The following ANKRD30A variants were observed in gnomAD, a reference collection of about 807,000 sequenced individuals.
The protein encoded by ANKRD30A is ankyrin repeat domain 30A.
A neutral mutation model predicts 166.3 loss-of-function variants in ANKRD30A; 170 were observed. The observed-to-expected ratio is 1.02, with a 90% CI of 0.90 to 1.16. The LOEUF (loss-of-function observed/expected upper bound fraction) is 1.16, where lower values mean the gene tolerates loss of function less well. ANKRD30A is among the 50% of genes most tolerant of loss of function. The probability of loss-of-function intolerance (pLI) is 0.00; values close to 1 mark genes in which losing one functional copy is unlikely to be tolerated. For synonymous variants in ANKRD30A, 564 were observed against 508.9 expected (o/e 1.11, Z -1.46); for missense variants, 1,630 against 1,518.0 (o/e 1.07, Z -1.23).
At chr10:37,201,455 A>G (rs1241722789) in intron 31 of ANKRD30A, 130 bp downstream of exon 31, 5 of 618,804 alleles carry the variant, frequency 8.1e-6, no homozygotes, top group Non-Finnish European at 1.3e-5. Flanking sequence ...GAGAAGTGCA[A>G]TGGTCATAAG....
intron 5 of ANKRD30A, among the ~76,000 whole-genome samples, chr10:37,136,353 A>G (rs534636239): frequency 3.7e-4 from 57 of 152,304 alleles, no homozygotes; most frequent in African/African-American, 1.3e-3. Context: ...CCATTAAGCC[A>G]AGCTAACTCT....
In ANKRD30A at chr10:37,165,152, T is replaced by A; in HGVS notation, c.2061T>A (p.Thr687=). ...QKDYEENSWD[T]ESLCETVSQK... is the part of the protein sequence containing the mutation. ...ACTATGAAGAAAATTCTTGGGATAC[T>A]GAGGTACTGTGTGTTGTTGATTTTT... The change falls in exon 18 of 36, where the codon ACT becomes ACA. Residue 687 remains threonine, a synonymous_variant. Transcript: ENST00000361713. 6.2e-7 allele frequency: 1 copy of A among 1,606,338 alleles called. No homozygotes were observed. The highest frequency in any genetic ancestry group is 1.1e-5 in the South Asian group (1 of 90,928).
chr10:37,257,952 C>G, the ANKRD30A span, among the ~76,000 whole-genome samples: 1 of 152,078 alleles, frequency 6.6e-6, no homozygotes, highest in Non-Finnish European at 1.5e-5. Context: ...ACATCACACT[C>G]TGTGGCTTGT....
At chr10:37,251,429 G>C in the ANKRD30A span, among the ~76,000 whole-genome samples, 4 of 152,108 alleles carry the variant, frequency 2.6e-5, no homozygotes, top group Non-Finnish European at 4.4e-5. Context: ...AAAGCCAAAG[G>C]ACCCTTGTCT....
At chr10:37,194,090 G>A (rs1387426611) in intron 27 of ANKRD30A, among the ~76,000 whole-genome samples, 1 of 151,500 alleles carries the variant, frequency 6.6e-6, no homozygotes, top group Non-Finnish European at 1.5e-5. Flanking sequence ...CAGCTACTCT[G>A]GAGGCTGAGG....
chr10:37,201,914 T>C (rs1841649545), intron 31 of ANKRD30A, among the ~76,000 whole-genome samples: 1 of 152,080 alleles, frequency 6.6e-6, no homozygotes, highest in African/African-American at 2.4e-5. Flanking sequence ...ATATAATTTG[T>C]CATATACACT....
chr10:37,235,652 T>C (rs571376828), downstream of ANKRD30A, among the ~76,000 whole-genome samples: 49 of 152,202 alleles, frequency 3.2e-4, no homozygotes, highest in African/African-American at 1.2e-3. Flanking sequence ...ACTTATAATA[T>C]CAAGTATAAT....
the ANKRD30A span, chr10:37,261,964 C>T: frequency 6.5e-6 from 1 of 153,164 alleles, no homozygotes; most frequent in South Asian, 2.1e-4. Flanking sequence ...TCTTAAGCAG[C>T]TCATGTGTGG....
At chr10:37,218,370 T>G (rs1213377720) in intron 33 of ANKRD30A, among the ~76,000 whole-genome samples, 1 of 150,952 alleles carries the variant, frequency 6.6e-6, no homozygotes, top group Non-Finnish European at 1.5e-5. Flanking sequence ...GGATGTAGAC[T>G]CAGAAGACTG....
intron 3 of ANKRD30A, among the ~76,000 whole-genome samples, chr10:37,131,552 G>A (rs1471087163): frequency 6.6e-6 from 1 of 152,142 alleles, no homozygotes; most frequent in Non-Finnish European, 1.5e-5. Context: ...ATGTAGAACA[G>A]GAGTGCCTGA....
At chr10:37,164,290 A>G (rs1254710686) in intron 17 of ANKRD30A, among the ~76,000 whole-genome samples, 1 of 145,696 alleles carries the variant, frequency 6.9e-6, no homozygotes, top group Non-Finnish European at 1.5e-5. Flanking sequence ...TATTTTTGGT[A>G]TAAATTCTTT....
At chr10:37,247,542 G>A in the ANKRD30A span, among the ~76,000 whole-genome samples, 1 of 151,924 alleles carries the variant, frequency 6.6e-6, no homozygotes, top group Non-Finnish European at 1.5e-5. Flanking sequence ...ACTGGGCTTT[G>A]CAGAGGGCAG....
chr10:37,136,813 ATGTGTG>A lies in ANKRD30A; in HGVS notation c.820+156_820+161del, dbSNP rs1554807834. 2.2e-5 allele frequency: 6 copies of A among 272,184 alleles called. No homozygotes were observed. The South Asian group carries it at 2.8e-4, about 13-fold the overall frequency. 16.9% of individuals were successfully genotyped at this position (272,184 alleles called of 1,614,324 possible). ...CATATATGTGGGTGTGGGTGTGTGT[ATGTGTG>A]TGTGTGTGTGTGTATATATATATAT... On this transcript the variant is annotated intron_variant, in intron 6 of 35. Coordinates refer to ENST00000361713, the MANE Select transcript of ANKRD30A (RefSeq NM_052997.3).
At chr10:37,222,276 C>T (rs576186480) in intron 34 of ANKRD30A, among the ~76,000 whole-genome samples, 1 of 151,286 alleles carries the variant, frequency 6.6e-6, no homozygotes, top group Non-Finnish European at 1.5e-5. Context: ...TCTTCACCTT[C>T]CCCAGTCCTA....
rs545521788 is a variant in ANKRD30A at position 37,166,559 on chromosome 10, C to G, written c.2065-46C>G. 464 of 1,478,698 alleles carry G rather than the reference C, an allele frequency of 3.1e-4. 4 individuals are homozygous for G. In the African/African-American group the frequency reaches 5.2e-3, roughly 16 times the overall value. The allele number at this position is 1,478,698 out of a possible 1,614,324, so 91.6% of individuals were successfully genotyped here. On this transcript the variant is annotated intron_variant, in intron 18 of 35. Transcript: ENST00000361713. ...TAGGAAATTTTGATACTCTTCATTA[C>G]TAGGATTTATCCATTGAAATTATTT...
At chr10:37,200,439 A>C (rs188087603) in intron 30 of ANKRD30A, among the ~76,000 whole-genome samples, 34 of 152,164 alleles carry the variant, frequency 2.2e-4, no homozygotes, top group African/African-American at 7.2e-4. Context: ...AGCGTCAAAT[A>C]ATAGTGATGT....
intron 31 of ANKRD30A, among the ~76,000 whole-genome samples, chr10:37,210,496 TG>T: frequency 6.6e-6 from 1 of 152,306 alleles, no homozygotes; most frequent in South Asian, 2.1e-4. Flanking sequence ...ATGGGATCGC[TG>T]GGTCAAATGG....
At chr10:37,145,981 G>A (rs79544159) in intron 8 of ANKRD30A, among the ~76,000 whole-genome samples, 1 of 151,706 alleles carries the variant, frequency 6.6e-6, no homozygotes, top group Non-Finnish European at 1.5e-5. Context: ...CTTTGAGTCC[G>A]TTTGTGGTAG....
chr10:37,201,347 A>G (rs755628100), intron 31 of ANKRD30A, 22 bp downstream of exon 31: 3 of 1,518,850 alleles, frequency 2.0e-6, no homozygotes, highest in Non-Finnish European at 2.7e-6. Flanking sequence ...CTTTTATTTA[A>G]AAGGTCATTT....
Sources: allele counts gnomAD v4.1 joint callset (sites outside exome capture counted in the v4.1 genomes callset), GRCh38; gene constraint gnomAD v4.1.1; transcripts MANE v1.5; gene names NCBI Gene and HGNC (gene_info 2026-07-23, HGNC 2026-07-21).